The following PRICKLE1 variants were observed in gnomAD, a reference collection of about 807,000 sequenced individuals.
The protein encoded by PRICKLE1 is prickle planar cell polarity protein 1.
In PRICKLE1, 14 loss-of-function variants were observed where a neutral mutation model predicts 70.2. The ratio of observed to expected loss-of-function variants is 0.20; its 90% CI spans 0.13 to 0.31. The LOEUF (loss-of-function observed/expected upper bound fraction) is 0.31. Ranked by LOEUF, PRICKLE1 falls within the 10% of genes least tolerant of loss-of-function variation. The pLI, the probability that PRICKLE1 is intolerant of heterozygous loss-of-function variation, is 1.00. For synonymous variants in PRICKLE1, 357 were observed against 379.9 expected (o/e 0.94, Z 0.70); for missense variants, 821 against 1,026.2 (o/e 0.80, Z 2.73).
chr12:42,494,170 G>A (rs1431829559), intron 1 of PRICKLE1, among the ~76,000 whole-genome samples: 1 of 152,208 alleles, frequency 6.6e-6, no homozygotes, highest in Non-Finnish European at 1.5e-5. Context: ...GCTGGTGGAG[G>A]GAGCCACCAA....
At position 42,468,761 on chromosome 12, in the gene PRICKLE1, C is replaced by T; in HGVS notation, c.453G>A (p.Trp151Ter). The part of the protein sequence containing the change: ...FASRAGPGVC[W>*]HPSCFVCFTC... ...TGAAACAGACAAAACAGGATGGGTG[C>T]CAGCACACACCAGGGCCCGCACGGG... Residue 151 changes from tryptophan (W) to a stop codon, truncating the protein, a stop_gained, in exon 5 of 8, where the codon TGG becomes TGA. Transcript: ENST00000345127. LOFTEE classifies it high-confidence loss of function. 6.2e-7 allele frequency: 1 copy of T among 1,614,096 alleles called. No homozygotes were observed. The highest frequency in any genetic ancestry group is 8.5e-7 in the Non-Finnish European group (1 of 1,180,022).
intron 6 of PRICKLE1, chr12:42,465,546 A>T (rs897232549): frequency 2.4e-6 from 1 of 408,186 alleles, no homozygotes; most frequent in South Asian, 3.1e-5. Flanking sequence ...GATCCAGGAG[A>T]TGCTCAGCTT....
At chr12:42,489,466 C>T (rs1939051838) in intron 1 of PRICKLE1, among the ~76,000 whole-genome samples, 1 of 150,292 alleles carries the variant, frequency 6.7e-6, no homozygotes, top group African/African-American at 2.4e-5. Context: ...TCGAAACCAG[C>T]CTGGCCAACA....
intron 1 of PRICKLE1, among the ~76,000 whole-genome samples, chr12:42,557,352 A>T (rs1276672435): frequency 6.6e-6 from 1 of 152,208 alleles, no homozygotes; most frequent in Non-Finnish European, 1.5e-5. Flanking sequence ...AGAAGGGCCA[A>T]ATGAAGGAAG....
chr12:42,466,817 T>C (rs1047893791), intron 5 of PRICKLE1, among the ~76,000 whole-genome samples: 11 of 151,780 alleles, frequency 7.2e-5, no homozygotes, highest in African/African-American at 2.2e-4. Context: ...GATGCTGGAA[T>C]TGAGTGAACA....
intron 1 of PRICKLE1, among the ~76,000 whole-genome samples, chr12:42,571,030 T>C (rs1460817462): frequency 6.6e-6 from 1 of 152,192 alleles, no homozygotes; most frequent in African/African-American, 2.4e-5. Flanking sequence ...ATGCAATAGT[T>C]TGTGTGAATT....
At chr12:42,491,279 G>A (rs530156516) in intron 1 of PRICKLE1, among the ~76,000 whole-genome samples, 6 of 151,366 alleles carry the variant, frequency 4.0e-5, no homozygotes, top group Non-Finnish European at 8.8e-5. Flanking sequence ...GTGGCCGGGC[G>A]CGGTAGCTCA....
At chr12:42,468,133 A>G (rs1386795008) in intron 5 of PRICKLE1, among the ~76,000 whole-genome samples, 2 of 152,236 alleles carry the variant, frequency 1.3e-5, no homozygotes, top group African/African-American at 4.8e-5. Flanking sequence ...ATTATTTTAA[A>G]ATAAAAAGCT....
rs747223398 is a variant in PRICKLE1 at position 42,510,365 on chromosome 12, A to C, written c.-48-37801T>G. The stretch of plus-strand genomic sequence containing the variant: ...CGCCTCTGCCTCCCAAAGTGCTGGG[A>C]TTACAGGTGTGAGCCACTGTGCTCG... On this transcript the variant is annotated intron_variant, in intron 1 of 7. Coordinates refer to ENST00000345127, the MANE Select transcript of PRICKLE1 (RefSeq NM_153026.3). 1.3e-4 allele frequency among the ~76,000 whole-genome samples: 20 copies of C among 151,616 alleles called. No individual in the cohort carries two copies. The South Asian group carries it at 1.5e-3, about 11-fold the overall frequency.
chr12:42,535,733 A>G (rs1940007066), intron 1 of PRICKLE1, among the ~76,000 whole-genome samples: 1 of 152,220 alleles, frequency 6.6e-6, no homozygotes, highest in Non-Finnish European at 1.5e-5. Context: ...GCAGTAAGCT[A>G]TGATTGTGCC....
At chr12:42,581,982 GAA>G (rs557431115) in intron 1 of PRICKLE1, among the ~76,000 whole-genome samples, 1 of 150,110 alleles carries the variant, frequency 6.7e-6, no homozygotes, top group African/African-American at 2.4e-5. Context: ...GAAGGGGAGG[GAA>G]AAAAAAAGAG....
chr12:42,589,224 G>A lies in PRICKLE1; in HGVS notation c.-49+241C>T, dbSNP rs1941036063. 6.6e-6 allele frequency: 1 copy of A among 152,294 alleles called. No individual in the cohort carries two copies. Among genetic ancestry groups the A allele is most frequent in the Admixed American group, 6.5e-5 (1 of 15,292 alleles). The allele number at this position is 152,294 out of a possible 1,614,324, so 9.4% of individuals were successfully genotyped here. On this transcript the variant is annotated intron_variant, in intron 1 of 7. Transcript: ENST00000345127. The surrounding 1 kb of genome is among the most constrained non-coding windows in gnomAD (Gnocchi z 5.0). ...TTGTGATGCAGCAAACAGGAGCCAT[G>A]CGGAGAGCCTCTGCGGAGCCCTGGC...
chr12:42,475,267 T>G (rs752117548), intron 1 of PRICKLE1, among the ~76,000 whole-genome samples: 3 of 152,234 alleles, frequency 2.0e-5, no homozygotes, highest in Non-Finnish European at 4.4e-5. Flanking sequence ...ATTACAGGCA[T>G]GGCTTTCTGT....
intron 1 of PRICKLE1, among the ~76,000 whole-genome samples, chr12:42,575,770 A>G (rs766925072): frequency 6.6e-6 from 1 of 152,158 alleles, no homozygotes; most frequent in Non-Finnish European, 1.5e-5. Flanking sequence ...CTGCCTTTGT[A>G]TATACTTTTC....
rs376997012 is a variant in PRICKLE1, at chr12:42,573,415, C to T, written c.-49+16050G>A. 5.3e-5 allele frequency among the ~76,000 whole-genome samples: 8 copies of T among 152,194 alleles called. No homozygotes were observed. In the East Asian group the frequency reaches 9.7e-4, roughly 18 times the overall value. The stretch of plus-strand genomic sequence containing the variant: ...TGACTCTATGTGGCCAACTGCAATT[C>T]GGATTATACCATCAGTTCTCTTTAA... On this transcript the variant is annotated intron_variant, in intron 1 of 7. Coordinates refer to ENST00000345127, the MANE Select transcript of PRICKLE1 (RefSeq NM_153026.3).
chr12:42,482,790 G>A (rs1938843750), intron 1 of PRICKLE1: 2 of 152,466 alleles, frequency 1.3e-5, no homozygotes, highest in African/African-American at 2.4e-5. Context: ...CGTACTTTGG[G>A]AAAACTCAGC....
At chr12:42,546,533 C>T (rs776408965) in intron 1 of PRICKLE1, among the ~76,000 whole-genome samples, 3 of 152,064 alleles carry the variant, frequency 2.0e-5, no homozygotes, top group Non-Finnish European at 4.4e-5. Flanking sequence ...GTGGGAGGAT[C>T]ACTTGAGGTC....
chr12:42,466,439 G>C (rs775819605), intron 5 of PRICKLE1, 59 bp from the exon 6 acceptor site: 76 of 1,500,700 alleles, frequency 5.1e-5, no homozygotes, highest in Admixed American at 6.8e-5. Flanking sequence ...CTATTTTAAA[G>C]GCCAAGTAAC....
At chr12:42,587,470 G>T (rs1470779225) in intron 1 of PRICKLE1, among the ~76,000 whole-genome samples, 6 of 152,122 alleles carry the variant, frequency 3.9e-5, no homozygotes, top group Non-Finnish European at 8.8e-5. Flanking sequence ...CTTAACTGTG[G>T]GTAACATCCA....
Sources: allele counts gnomAD v4.1 joint callset (sites outside exome capture counted in the v4.1 genomes callset), GRCh38; gene constraint gnomAD v4.1.1; non-coding constraint Gnocchi (gnomAD v3.1); transcripts MANE v1.5; gene names NCBI Gene and HGNC (gene_info 2026-07-23, HGNC 2026-07-21).